FUT8: variants seen among roughly 807,000 people sequenced by gnomAD.
FUT8 encodes alpha-(1,6)-fucosyltransferase.
A neutral mutation model predicts 71.3 loss-of-function variants in FUT8; 29 were observed. The observed-to-expected ratio is 0.41, with a 90% CI of 0.30 to 0.55. The LOEUF (loss-of-function observed/expected upper bound fraction) is 0.55. Among genes scored for constraint, FUT8 ranks in the 20% least tolerant of loss-of-function variants. The probability of loss-of-function intolerance (pLI) is 0.34; values close to 1 mark genes in which losing one functional copy is unlikely to be tolerated. For synonymous variants in FUT8, 254 were observed against 239.3 expected (o/e 1.06, Z -0.57); for missense variants, 544 against 702.1 (o/e 0.77, Z 2.55).
intron 3 of FUT8, among the ~76,000 whole-genome samples, chr14:65,593,404 T>G (rs539077923): frequency 6.6e-6 from 1 of 152,356 alleles, no homozygotes; most frequent in South Asian, 2.1e-4. Flanking sequence ...CTTTTGTTCT[T>G]GAAATGTTCA....
chr14:65,573,810 A>G (rs1441568063), intron 3 of FUT8, among the ~76,000 whole-genome samples: 1 of 151,308 alleles, frequency 6.6e-6, no homozygotes, highest in Non-Finnish European at 1.5e-5. Flanking sequence ...TTTTAGGTTC[A>G]TTAGAACTAT....
chr14:65,680,382 T>C (rs188998061), intron 7 of FUT8, among the ~76,000 whole-genome samples: 1 of 152,360 alleles, frequency 6.6e-6, no homozygotes. Context: ...ATGTGTCACA[T>C]AAGATAAGGG....
At chr14:65,693,904 G>C (rs1259152642) in intron 7 of FUT8, among the ~76,000 whole-genome samples, 1 of 152,178 alleles carries the variant, frequency 6.6e-6, no homozygotes, top group Non-Finnish European at 1.5e-5. Flanking sequence ...AATTCTCCTT[G>C]TGTGAATTTT....
At chr14:65,525,686 C>G (rs1883413199) in intron 2 of FUT8, among the ~76,000 whole-genome samples, 1 of 152,204 alleles carries the variant, frequency 6.6e-6, no homozygotes, top group South Asian at 2.1e-4. Context: ...CCTGCTTTCT[C>G]TTGTGGGCAT....
At chr14:65,671,008 T>C (rs1023257914) in intron 7 of FUT8, among the ~76,000 whole-genome samples, 19 of 152,322 alleles carry the variant, frequency 1.2e-4, no homozygotes, top group Admixed American at 7.8e-4. Context: ...TTTTCACGGC[T>C]AGTGCCAACA....
At chr14:65,520,606 A>G (rs1485725059) in intron 2 of FUT8, among the ~76,000 whole-genome samples, 2 of 152,086 alleles carry the variant, frequency 1.3e-5, no homozygotes, top group Non-Finnish European at 1.5e-5. Context: ...TAGAAATGTT[A>G]TAGCAACCTT....
chr14:65,651,558 G>A (rs938129245), intron 6 of FUT8, among the ~76,000 whole-genome samples: 1 of 152,162 alleles, frequency 6.6e-6, no homozygotes, highest in African/African-American at 2.4e-5. Context: ...TTAATCAGCT[G>A]ACACTACACT....
intron 2 of FUT8, among the ~76,000 whole-genome samples, chr14:65,497,787 T>C (rs1210225405): frequency 6.6e-6 from 1 of 152,106 alleles, no homozygotes; most frequent in Admixed American, 6.6e-5. Flanking sequence ...ACAAAATGAT[T>C]GTTGAGACTA....
intron 2 of FUT8, among the ~76,000 whole-genome samples, chr14:65,514,463 T>C (rs1439696280): frequency 2.0e-5 from 3 of 152,224 alleles, no homozygotes; most frequent in African/African-American, 7.2e-5. Flanking sequence ...CCTTTGGTAG[T>C]TAACAATGTA....
intron 7 of FUT8, among the ~76,000 whole-genome samples, chr14:65,674,017 A>G (rs1005607440): frequency 6.6e-6 from 1 of 152,214 alleles, no homozygotes; most frequent in Non-Finnish European, 1.5e-5. Context: ...GGAATCATCT[A>G]AATATTCTAA....
rs1230584480 is a variant in FUT8 at position 65,483,231 on chromosome 14, C to G, written c.-228+27513C>G. Reference sequence around the variant, plus strand: ...AGTGAGAGGACTGTGTTCTCTCCAACAAGGTCTGGATCTCAGCCCTGGGAT... The same window carrying G: ...AGTGAGAGGACTGTGTTCTCTCCAAGAAGGTCTGGATCTCAGCCCTGGGAT... On this transcript the variant is annotated intron_variant, in intron 2 of 10. Transcript: ENST00000673929. The surrounding 1 kb of genome is among the most constrained non-coding windows in gnomAD (Gnocchi z 4.4). Among the ~76,000 whole-genome samples, 1 of 152,192 alleles carries G rather than the reference C, an allele frequency of 6.6e-6. No individual in the cohort carries two copies. Among genetic ancestry groups the G allele is most frequent in the East Asian group, 1.9e-4 (1 of 5,202 alleles).
chr14:65,722,109 T>C lies in FUT8; in HGVS notation c.1082+88T>C. ...AATATATTGTGAATTTTACAATATGTAGTTCAATTTTTATAGTCCCACCAA... is the reference window on the plus strand; with the variant it reads ...AATATATTGTGAATTTTACAATATGCAGTTCAATTTTTATAGTCCCACCAA... On this transcript the variant is annotated intron_variant, in intron 8 of 10. Transcript: ENST00000673929. 2.0e-6 allele frequency: 3 copies of C among 1,484,078 alleles called. No homozygotes were observed. The South Asian group carries it at 3.9e-5, about 19-fold the overall frequency. 91.9% of individuals were successfully genotyped at this position (1,484,078 alleles called of 1,614,324 possible).
At chr14:65,584,036 C>T (rs1375609316) in intron 3 of FUT8, among the ~76,000 whole-genome samples, 1 of 152,068 alleles carries the variant, frequency 6.6e-6, no homozygotes, top group East Asian at 1.9e-4. Flanking sequence ...CGTGCTACCA[C>T]GCCTGGCTAA....
chr14:65,418,376 T>A (rs760815184), intron 1 of FUT8, among the ~76,000 whole-genome samples: 1 of 152,222 alleles, frequency 6.6e-6, no homozygotes, highest in Non-Finnish European at 1.5e-5. Flanking sequence ...AAATGAGATA[T>A]CAAATTCTAA....
intron 2 of FUT8, among the ~76,000 whole-genome samples, chr14:65,477,579 C>G (rs2066265324): frequency 6.6e-6 from 1 of 152,104 alleles, no homozygotes; most frequent in Admixed American, 6.5e-5. Flanking sequence ...GTGTGTCTAT[C>G]TGACCTGCAG....
At chr14:65,533,671 A>G (rs961887502) in intron 2 of FUT8, among the ~76,000 whole-genome samples, 25 of 151,910 alleles carry the variant, frequency 1.6e-4, no homozygotes, top group Non-Finnish European at 1.5e-5. Context: ...GACTTCCAAT[A>G]CTATGTTGAA....
chr14:65,505,072 CA>C (rs1226319862), intron 2 of FUT8, among the ~76,000 whole-genome samples: 4 of 152,142 alleles, frequency 2.6e-5, no homozygotes, highest in African/African-American at 9.7e-5. Context: ...AGTTATATGA[CA>C]TTTTTTTGGG....
intron 7 of FUT8, among the ~76,000 whole-genome samples, chr14:65,702,345 CAAAA>C (rs71989314): frequency 7.4e-6 from 1 of 134,954 alleles, no homozygotes; most frequent in Admixed American, 7.5e-5. Flanking sequence ...AACTCCATCT[CAAAA>C]AAAAAAAAAA....
chr14:65,650,711 A>AC (rs1891354468), intron 6 of FUT8, among the ~76,000 whole-genome samples: 1 of 39,900 alleles, frequency 2.5e-5, no homozygotes, highest in Non-Finnish European at 1.3e-4. Flanking sequence ...TAATTACAAA[A>AC]AAAAAAAAAA....
Sources: allele counts gnomAD v4.1 joint callset (sites outside exome capture counted in the v4.1 genomes callset), GRCh38; gene constraint gnomAD v4.1.1; non-coding constraint Gnocchi (gnomAD v3.1); transcripts MANE v1.5; gene names NCBI Gene and HGNC (gene_info 2026-07-23, HGNC 2026-07-21).